PVT1: variants seen among roughly 807,000 people sequenced by gnomAD.
PVT1 encodes the protein Pvt1 oncogene, also known as CXCR4/PVT1 fusion.
intron 3 of PVT1, among the ~76,000 whole-genome samples, chr8:127,978,485 A>G (rs1358627724): frequency 6.8e-6 from 1 of 148,086 alleles, no homozygotes; most frequent in Non-Finnish European, 1.5e-5. Flanking sequence ...ATTATTATTT[A>G]TTATTATTAT....
chr8:127,984,507 T>C (rs996330779), intron 3 of PVT1, among the ~76,000 whole-genome samples: 6 of 152,240 alleles, frequency 3.9e-5, no homozygotes, highest in Non-Finnish European at 8.8e-5. Context: ...ACAAAGTGTT[T>C]ATCAAGCACC....
chr8:128,021,494 C>T (rs1461547275), intron 4 of PVT1, among the ~76,000 whole-genome samples: 4 of 152,056 alleles, frequency 2.6e-5, no homozygotes, highest in East Asian at 3.9e-4. Flanking sequence ...AGGGTTTCAC[C>T]ATGTTAGCCA....
At chr8:127,840,507 T>C (rs931680836) in intron 2 of PVT1, among the ~76,000 whole-genome samples, 11 of 152,366 alleles carry the variant, frequency 7.2e-5, no homozygotes, top group African/African-American at 2.6e-4. Context: ...TGGAAAACTT[T>C]TACAGGCCGT....
chr8:127,812,587 G>A lies in PVT1; in HGVS notation n.372+16516G>A, dbSNP rs188593736. ...AAAGAAAAGAAAGAAAAGGAGAGAG[G>A]GAGGGAAGGAAGGAAGAAAAAAAAG... On this transcript the variant is annotated intron_variant and non_coding_transcript_variant, in intron 2 of 10. Coordinates refer to ENST00000651587, the Ensembl canonical transcript of PVT1. 4.4e-4 allele frequency among the ~76,000 whole-genome samples: 65 copies of A among 149,230 alleles called. 1 individual carries two copies. Among genetic ancestry groups the A allele is most frequent in the Middle Eastern group, 3.5e-3 (1 of 284 alleles).
At chr8:127,968,594 G>A (rs1299395578) in intron 3 of PVT1, among the ~76,000 whole-genome samples, 3 of 152,182 alleles carry the variant, frequency 2.0e-5, no homozygotes, top group African/African-American at 7.2e-5. Flanking sequence ...CTGGCCAGTA[G>A]GGTGTATCAG....
At chr8:128,004,662 C>G (rs1456239957) in intron 4 of PVT1, among the ~76,000 whole-genome samples, 1 of 152,202 alleles carries the variant, frequency 6.6e-6, no homozygotes, top group East Asian at 1.9e-4. Flanking sequence ...AGGAGATAGA[C>G]TAGTCTCCAG....
chr8:127,927,004 G>C (rs559384927), intron 3 of PVT1, among the ~76,000 whole-genome samples: 48 of 152,086 alleles, frequency 3.2e-4, no homozygotes, highest in Admixed American at 7.8e-4. Context: ...ATCCTTTTCT[G>C]TGCCGACAAT....
chr8:128,048,560 T>A lies in PVT1; in HGVS notation n.913-21600T>A, dbSNP rs149158182. 3 of 152,360 alleles carry A rather than the reference T, an allele frequency of 2.0e-5. No homozygotes were observed. In the East Asian group the frequency reaches 5.8e-4, roughly 29 times the overall value. 9.4% of individuals were successfully genotyped at this position (152,360 alleles called of 1,614,324 possible). On this transcript the variant is annotated intron_variant and non_coding_transcript_variant, in intron 4 of 10. Transcript: ENST00000651587. ...GATCTGACTTCGCTGATTAAGTGGA[T>A]GTATGAGCCGATCCTCCCCAGAAGC... is the stretch of plus-strand genomic sequence containing the variant.
chr8:128,046,648 A>C (rs1011937053), intron 4 of PVT1, among the ~76,000 whole-genome samples: 32 of 152,330 alleles, frequency 2.1e-4, no homozygotes, highest in South Asian at 1.9e-3. Context: ...ACAGCACCTG[A>C]GAAATACCCT....
chr8:127,905,181 G>A (rs746295795), intron 3 of PVT1, among the ~76,000 whole-genome samples: 7 of 152,218 alleles, frequency 4.6e-5, no homozygotes, highest in African/African-American at 4.8e-5. Context: ...ACCAGCTTCT[G>A]TCTGTGACTT....
At chr8:128,085,177 C>G (rs78467177) in intron 5 of PVT1, among the ~76,000 whole-genome samples, 3,119 of 152,164 alleles carry the variant, frequency 0.02, 104 homozygotes, top group African/African-American at 0.07. Context: ...GGTGGGTGCT[C>G]TTGTTTGTAG....
At chr8:127,812,994 G>A (rs879916490) in intron 2 of PVT1, among the ~76,000 whole-genome samples, 2 of 151,766 alleles carry the variant, frequency 1.3e-5, no homozygotes, top group African/African-American at 2.4e-5. Context: ...TGATAATATA[G>A]CATTAATATA....
chr8:127,924,037 G>A (rs1486766079), intron 3 of PVT1, among the ~76,000 whole-genome samples: 1 of 152,218 alleles, frequency 6.6e-6, no homozygotes, highest in East Asian at 1.9e-4. Flanking sequence ...CTGGCATGGT[G>A]TTGGAGGCCG....
In PVT1 at chr8:127,968,387, G is replaced by A. The variant is rs548784482; in HGVS notation, n.783-20775G>A. On this transcript the variant is annotated intron_variant and non_coding_transcript_variant, in intron 3 of 10. Transcript: ENST00000651587. ...GCTCAGCTGTAGGGTGGGGTGGGATGGGGGGTGGTTTGAAACCTCTTTCAA... is the reference window on the plus strand; with the variant it reads ...GCTCAGCTGTAGGGTGGGGTGGGATAGGGGGTGGTTTGAAACCTCTTTCAA... 3.3e-5 allele frequency among the ~76,000 whole-genome samples: 5 copies of A among 152,122 alleles called. No individual in the cohort carries two copies. The South Asian group carries it at 1.0e-3, about 32-fold the overall frequency.
chr8:127,944,191 G>A (rs900866290), intron 3 of PVT1, among the ~76,000 whole-genome samples: 11 of 152,100 alleles, frequency 7.2e-5, no homozygotes, highest in Non-Finnish European at 1.3e-4. Context: ...GGGCTCAATC[G>A]ATCCTCCTGC....
chr8:127,805,983 A>G (rs1363427129), intron 2 of PVT1, among the ~76,000 whole-genome samples: 1 of 152,230 alleles, frequency 6.6e-6, no homozygotes, highest in African/African-American at 2.4e-5. Flanking sequence ...GGCACATCTA[A>G]GCAACAAAAA....
rs188091943 is a variant in PVT1, at chr8:127,886,359, C to T, written n.373-4230C>T. ...TATTCTTATATCTATAAATTAATGT[C>T]TTTCACTGAATTTAGAACACTTTCA... On this transcript the variant is annotated intron_variant and non_coding_transcript_variant, in intron 2 of 10. Transcript: ENST00000651587. Among the ~76,000 whole-genome samples, 176 of 152,194 alleles carry T rather than the reference C, an allele frequency of 1.2e-3. 2 individuals are homozygous for T. Among genetic ancestry groups the T allele is most frequent in the Middle Eastern group, 6.8e-3 (2 of 294 alleles).
intron 2 of PVT1, among the ~76,000 whole-genome samples, chr8:127,871,071 GGT>G (rs1430153182): frequency 6.6e-6 from 1 of 152,164 alleles, no homozygotes; most frequent in Non-Finnish European, 1.5e-5. Context: ...TCACCCTGTG[GGT>G]GGGTTGAAAA....
chr8:127,919,481 T>C (rs1349438052), intron 3 of PVT1, among the ~76,000 whole-genome samples: 3 of 152,224 alleles, frequency 2.0e-5, no homozygotes. Flanking sequence ...TTCTCCCCAC[T>C]TTTGTGCAAT....
Sources: allele counts gnomAD v4.1 joint callset (sites outside exome capture counted in the v4.1 genomes callset), GRCh38; gene constraint gnomAD v4.1.1; transcripts MANE v1.5; gene names NCBI Gene and HGNC (gene_info 2026-07-23, HGNC 2026-07-21).